The following NPAS3 variants were observed in gnomAD, a reference collection of about 807,000 sequenced individuals.
The protein encoded by NPAS3 is neuronal PAS domain protein 3.
In NPAS3, 14 loss-of-function variants were observed where a neutral mutation model predicts 73.1. The observed-to-expected ratio is 0.19, with a 90% CI of 0.13 to 0.30. The LOEUF (loss-of-function observed/expected upper bound fraction) is 0.30, where lower values mean the gene tolerates loss of function less well. Among genes scored for constraint, NPAS3 ranks in the 10% least tolerant of loss-of-function variants. The pLI is 1.00. For synonymous variants in NPAS3, 620 were observed against 541.5 expected (o/e 1.14, Z -2.01); for missense variants, 1,096 against 1,250.0 (o/e 0.88, Z 1.86).
At chr14:33,509,540 C>A (rs1035145372) in intron 4 of NPAS3, among the ~76,000 whole-genome samples, 1 of 151,904 alleles carries the variant, frequency 6.6e-6, no homozygotes, top group African/African-American at 2.4e-5. Context: ...TAATTAAATC[C>A]TTCATTATGT....
At chr14:33,071,762 C>T (rs1364915867) in intron 2 of NPAS3, among the ~76,000 whole-genome samples, 3 of 151,970 alleles carry the variant, frequency 2.0e-5, no homozygotes, top group Admixed American at 2.0e-4. Flanking sequence ...GTAACAGCCC[C>T]ACAATAAAGA....
chr14:33,562,514 A>C (rs2055699691), intron 5 of NPAS3, among the ~76,000 whole-genome samples: 1 of 152,196 alleles, frequency 6.6e-6, no homozygotes, highest in Non-Finnish European at 1.5e-5. Context: ...AGCACTATAC[A>C]ACTGAATTGA....
At chr14:33,464,496 G>C (rs1473721048) in intron 4 of NPAS3, among the ~76,000 whole-genome samples, 1 of 152,162 alleles carries the variant, frequency 6.6e-6, no homozygotes, top group Non-Finnish European at 1.5e-5. Context: ...CCATAGCAGA[G>C]AGCCTGAAGC....
chr14:33,022,652 G>C (rs376780700), intron 1 of NPAS3, among the ~76,000 whole-genome samples: 1 of 126,998 alleles, frequency 7.9e-6, no homozygotes, highest in South Asian at 2.5e-4. Flanking sequence ...GCGACAGAGC[G>C]AGACTCCGTC....
At chr14:33,750,928 A>G (rs1375314991) in intron 7 of NPAS3, among the ~76,000 whole-genome samples, 1 of 152,226 alleles carries the variant, frequency 6.6e-6, no homozygotes. Context: ...AGACAGCATC[A>G]TGTTAACCAG....
intron 1 of NPAS3, among the ~76,000 whole-genome samples, chr14:33,036,112 T>C (rs552375080): frequency 6.6e-6 from 1 of 152,282 alleles, no homozygotes; most frequent in African/African-American, 2.4e-5. Flanking sequence ...CTTCATCTTA[T>C]TCCAAGTCTC....
At chr14:33,635,030 T>C (rs2058476955) in intron 5 of NPAS3, among the ~76,000 whole-genome samples, 1 of 152,186 alleles carries the variant, frequency 6.6e-6, no homozygotes, top group Admixed American at 6.5e-5. Flanking sequence ...AAGCACTGGT[T>C]TGAGGAAAGT....
intron 5 of NPAS3, among the ~76,000 whole-genome samples, chr14:33,611,431 A>G (rs1166120529): frequency 6.6e-6 from 1 of 152,174 alleles, no homozygotes; most frequent in African/African-American, 2.4e-5. Context: ...TTTCATGAGA[A>G]GAGAAAACGT....
At chr14:33,183,432 T>TG (rs2045872921) in intron 2 of NPAS3, among the ~76,000 whole-genome samples, 1 of 61,776 alleles carries the variant, frequency 1.6e-5, no homozygotes, top group South Asian at 9.8e-4. Context: ...TTTTTTTTTT[T>TG]TTTTTTTTTT....
At chr14:33,594,850 A>G (rs993262699) in intron 5 of NPAS3, among the ~76,000 whole-genome samples, 1 of 152,206 alleles carries the variant, frequency 6.6e-6, no homozygotes, top group Admixed American at 6.5e-5. Context: ...AATGGTCTGA[A>G]GGCCTCTTCA....
intron 2 of NPAS3, among the ~76,000 whole-genome samples, chr14:33,128,844 A>G (rs2043529622): frequency 6.6e-6 from 1 of 152,176 alleles, no homozygotes; most frequent in African/African-American, 2.4e-5. Context: ...GAAGTAGGTG[A>G]TACTTACATC....
At chr14:32,984,678 T>G (rs1182675752) in intron 1 of NPAS3, among the ~76,000 whole-genome samples, 1 of 152,218 alleles carries the variant, frequency 6.6e-6, no homozygotes, top group African/African-American at 2.4e-5. Flanking sequence ...TTGTATGTGT[T>G]TTTTAGAGAT....
intron 4 of NPAS3, among the ~76,000 whole-genome samples, chr14:33,489,507 A>C (rs1819457558): frequency 6.6e-6 from 1 of 152,192 alleles, no homozygotes; most frequent in African/African-American, 2.4e-5. Context: ...GGAGAAAGGA[A>C]ATACATCAGC....
At chr14:32,945,302 A>G (rs2036205931) in intron 1 of NPAS3, among the ~76,000 whole-genome samples, 1 of 152,200 alleles carries the variant, frequency 6.6e-6, no homozygotes, top group African/African-American at 2.4e-5. Flanking sequence ...GTGAAATTGT[A>G]GTAAATTTTA....
intron 2 of NPAS3, among the ~76,000 whole-genome samples, chr14:33,095,060 C>T (rs2152402): frequency 0.82 from 125,005 of 152,256 alleles, 51,446 homozygotes; most frequent in African/African-American, 0.86. Flanking sequence ...TTAACGTATA[C>T]GTTGGGACAT....
At chr14:33,247,859 A>G (rs566898417) in intron 3 of NPAS3, among the ~76,000 whole-genome samples, 1 of 152,336 alleles carries the variant, frequency 6.6e-6, no homozygotes, top group South Asian at 2.1e-4. Flanking sequence ...GAGAATATAC[A>G]TTCACCCTAG....
At chr14:33,226,536 A>T (rs557120522) in intron 3 of NPAS3, among the ~76,000 whole-genome samples, 1 of 152,316 alleles carries the variant, frequency 6.6e-6, no homozygotes, top group Non-Finnish European at 1.5e-5. Flanking sequence ...CTCCAAAACC[A>T]ATGTCTATAT....
In NPAS3 at chr14:33,637,110, A is replaced by G. The variant is rs564367528; in HGVS notation, c.559-39101A>G. Reference sequence around the variant, plus strand: ...TCTCTAGATTGTGGAGAAACAAACTATTTTTTAAATGTTTTCTTTGGAGTG... The same window carrying G: ...TCTCTAGATTGTGGAGAAACAAACTGTTTTTTAAATGTTTTCTTTGGAGTG... On this transcript the variant is annotated intron_variant, in intron 5 of 11. Transcript: ENST00000356141. Among the ~76,000 whole-genome samples, 4 of 152,278 alleles carry G rather than the reference A, an allele frequency of 2.6e-5. No individual in the cohort carries two copies. The East Asian group carries it at 7.7e-4, about 29-fold the overall frequency.
At chr14:33,757,208 A>T (rs963008227) in intron 7 of NPAS3, among the ~76,000 whole-genome samples, 2 of 152,204 alleles carry the variant, frequency 1.3e-5, no homozygotes, top group Non-Finnish European at 2.9e-5. Flanking sequence ...AGTGGTCTGA[A>T]TTTTATTCCA....
Sources: allele counts gnomAD v4.1 joint callset (sites outside exome capture counted in the v4.1 genomes callset), GRCh38; gene constraint gnomAD v4.1.1; transcripts MANE v1.5; gene names NCBI Gene and HGNC (gene_info 2026-07-23, HGNC 2026-07-21).